Variants in VPS11 observed in about 807,000 individuals in gnomAD.
VPS11 encodes the protein VPS11 core subunit of CORVET and HOPS complexes, also known as vacuolar protein sorting-associated protein 11 homolog.
VPS11 carries 51 observed loss-of-function variants against 106.8 expected under a neutral mutation model. The ratio of observed to expected loss-of-function variants is 0.48; its 90% CI spans 0.38 to 0.60. VPS11 has a LOEUF of 0.60. VPS11 is among the 20% of genes least tolerant of loss of function. The probability of loss-of-function intolerance (pLI) is 0.00; values close to 1 mark genes in which losing one functional copy is unlikely to be tolerated. For missense variants in VPS11, 950 were observed against 1,190.0 expected, an observed-to-expected ratio of 0.80 and a Z score of 2.97; for synonymous variants, 453 against 458.7, an observed-to-expected ratio of 0.99 and a Z score of 0.16.
rs782395251 is a variant in VPS11 at position 119,071,660 on chromosome 11, G to A, written c.701G>A (p.Arg234His). The change falls in exon 5 of 16, where the codon CGC (arginine) becomes CAC (histidine). Residue 234 changes from arginine to histidine, a missense_variant. Transcript: ENST00000621676. The stretch of plus-strand genomic sequence containing the variant: ...TTGGACACCCATGGTTGTGGCCTGC[G>A]CTGCTCAGCCCTAAGTGACCCTTCT... ...VELDTHGCGL[R>H]CSALSDPSQD... 34 of 1,613,870 alleles carry A rather than the reference G, an allele frequency of 2.1e-5. No homozygotes were observed. The highest frequency in any genetic ancestry group is 8.8e-5 in the South Asian group (8 of 91,084).
Position 119,073,882 on chromosome 11 carries a change from T to C in VPS11, c.1169T>C (p.Ile390Thr). ...QHLDSDGLAQ[I>T]FMQYGDHLYS... is the part of the protein sequence containing the mutation. ...CTGGACAGTGATGGGCTGGCCCAGA[T>C]TTTCATGCAGTATGGAGACCATCTC... is the stretch of plus-strand genomic sequence containing the variant. The change falls in exon 7 of 16, where the codon ATT (isoleucine) becomes ACT (threonine). Residue 390 changes from isoleucine (I) to threonine (T), a missense_variant. Ile to Thr is a moderately conservative substitution (Grantham distance 89). Around this residue, in one of 3 missense-constraint regions of VPS11, gnomAD observed 435 missense variants for 630.2 expected, o/e 0.69. Coordinates refer to ENST00000621676, the MANE Select transcript of VPS11 (RefSeq NM_021729.6). The C allele has an allele frequency of 1.2e-6, 2 of 1,613,910 alleles. No individual in the cohort carries two copies. The highest frequency in any genetic ancestry group is 2.7e-5 in the African/African-American group (2 of 75,032).
chr11:119,078,501 T>C, intron 11 of VPS11, 64 bp from the exon 12 acceptor site: 1 of 1,591,286 alleles, frequency 6.3e-7, no homozygotes, highest in Non-Finnish European at 8.6e-7. Flanking sequence ...TTGACTGGCT[T>C]TGTCCCAAGA....
chr11:119,077,749 C>T, intron 9 of VPS11, 102 bp downstream of exon 9: 1 of 1,543,804 alleles, frequency 6.5e-7, no homozygotes, highest in Non-Finnish European at 8.8e-7. Context: ...CCCCATCCTC[C>T]TGAGTGGAGG....
intron 14 of VPS11, 41 bp from the exon 15 acceptor site, chr11:119,081,051 C>T (rs372425365): frequency 2.2e-5 from 35 of 1,580,140 alleles, no homozygotes; most frequent in Non-Finnish European, 2.5e-5. Flanking sequence ...CTGGCCTTGC[C>T]CTCACTTTTG....
At position 119,081,185 on chromosome 11, in the gene VPS11, A is replaced by G. The variant is rs782328038; in HGVS notation, c.2532A>G (p.Gln844=). ...VHFLCGHSFH[Q]HCFESYSESD... The stretch of plus-strand genomic sequence containing the variant: ...TCCTGTGTGGCCACTCCTTCCACCA[A>G]CACTGCTTTGAGAGTTACTCGGAAA... Residue 844 remains glutamine, a synonymous_variant, in exon 15 of 16, where the codon CAA becomes CAG. Transcript: ENST00000621676. The G allele has an allele frequency of 1.4e-5, 23 of 1,613,814 alleles. No individual in the cohort carries two copies. The highest frequency in any genetic ancestry group is 2.2e-5 in the East Asian group (1 of 44,898).
At chr11:119,069,140 C>T (rs1026992488) in intron 1 of VPS11, 56 bp from the exon 2 acceptor site, 1 of 1,601,820 alleles carries the variant, frequency 6.2e-7, no homozygotes, top group African/African-American at 1.3e-5. Flanking sequence ...TATCTGAGTT[C>T]TGGTCTGAAT....
Position 119,073,962 on chromosome 11 carries a change from A to G in VPS11, c.1238+11A>G. 6.2e-7 allele frequency: 1 copy of G among 1,605,398 alleles called. No individual in the cohort carries two copies. Among genetic ancestry groups the G allele is most frequent in the Non-Finnish European group, 8.5e-7 (1 of 1,173,890 alleles). On this transcript the variant is annotated intron_variant, in intron 7 of 15. Transcript: ENST00000621676. ...CCAGCAATATATCCGGTCAGTCTGG[A>G]GGCACTTTGGGATATAGCTGTGAAT...
At position 119,078,574 on chromosome 11, in the gene VPS11, A is replaced by G. The variant is rs377190912; in HGVS notation, c.1933A>G (p.Lys645Glu). 4.4e-6 allele frequency: 7 copies of G among 1,608,764 alleles called. No homozygotes were observed. The African/African-American group carries it at 9.4e-5, about 22-fold the overall frequency. Residue 645 changes from lysine to glutamate, a missense_variant, in exon 12 of 16, where the codon AAG becomes GAG. Around this residue, in one of 3 missense-constraint regions of VPS11, gnomAD observed 453 missense variants for 514.6 expected, o/e 0.88. Transcript: ENST00000621676. ...CCTCCTTCCTCTCCAGGTCAAAGAG[A>G]AGCTTCACGCAGAGGCCATTTCCCT... ...AHEKDPQVKE[K>E]LHAEAISLLK...
At chr11:119,076,865 T>G in intron 7 of VPS11, 32 bp from the exon 8 acceptor site, 2 of 1,611,164 alleles carry the variant, frequency 1.2e-6, no homozygotes, top group East Asian at 2.2e-5. Flanking sequence ...GTACACTGAT[T>G]CAGATGCTAT....
intron 4 of VPS11, among the ~76,000 whole-genome samples, chr11:119,071,114 A>G (rs968516797): frequency 2.7e-5 from 4 of 150,780 alleles, no homozygotes; most frequent in African/African-American, 7.3e-5. Flanking sequence ...TTTTTTCTAG[A>G]TATGGGGGTT....
In VPS11 at chr11:119,071,817, C is replaced by G. The variant is rs1197167210; in HGVS notation, c.858C>G (p.Val286=). 1.2e-6 allele frequency: 2 copies of G among 1,613,310 alleles called. No homozygotes were observed. Among genetic ancestry groups the G allele is most frequent in the Non-Finnish European group, 1.7e-6 (2 of 1,179,428 alleles). ...AHWFRGYLII[V]SRDRKVSPKS... Reference sequence around the variant, plus strand: ...GGTTTAGAGGCTACCTTATCATTGTCTCCCGTGACCGGAAGGTTTCTCCCA... The same window carrying G: ...GGTTTAGAGGCTACCTTATCATTGTGTCCCGTGACCGGAAGGTTTCTCCCA... Residue 286 remains valine, a synonymous_variant, in exon 5 of 16, where the codon GTC becomes GTG. Transcript: ENST00000621676.
chr11:119,073,424 T>C (rs782565702), intron 6 of VPS11, 25 bp downstream of exon 6: 1 of 1,608,500 alleles, frequency 6.2e-7, no homozygotes, highest in African/African-American at 1.3e-5. Context: ...CTCGCAGAGC[T>C]GGCCACAGGC....
chr11:119,069,666 G>C, intron 3 of VPS11, 89 bp downstream of exon 3: 2 of 1,576,410 alleles, frequency 1.3e-6, no homozygotes, highest in Non-Finnish European at 1.7e-6. Context: ...GTTTTCAGGA[G>C]ACCACTTTGT....
intron 15 of VPS11, 58 bp downstream of exon 15, chr11:119,081,372 G>A (rs1945845298): frequency 6.2e-7 from 1 of 1,610,910 alleles, no homozygotes; most frequent in Non-Finnish European, 8.5e-7. Flanking sequence ...CAGAGTCACT[G>A]GAGGGCTTGT....
rs1480625934 is a variant in VPS11 at position 119,071,718 on chromosome 11, G to C, written c.759G>C (p.Glu253Asp). 4.3e-6 allele frequency: 7 copies of C among 1,613,910 alleles called. No individual in the cohort carries two copies. The highest frequency in any genetic ancestry group is 5.9e-6 in the Non-Finnish European group (7 of 1,179,892). Residue 253 changes from glutamate to aspartate, a missense_variant, in exon 5 of 16, where the codon GAG (glutamate) becomes GAC (aspartate). Transcript: ENST00000621676. ...TGCAGTTCATTGTGGCCGGGGATGA[G>C]TGTGTCTACTTGTACCAGCCTGATG... Reference protein sequence around the residue: ...QDLQFIVAGDECVYLYQPDER... With the variant: ...QDLQFIVAGDDCVYLYQPDER...
intron 8 of VPS11, 52 bp from the exon 9 acceptor site, chr11:119,077,449 C>T: frequency 6.3e-7 from 1 of 1,583,204 alleles, no homozygotes. Flanking sequence ...GTTTCCTCTC[C>T]CTTCTCTATC....
chr11:119,074,641 G>A (rs903184720), intron 7 of VPS11, among the ~76,000 whole-genome samples: 5 of 152,174 alleles, frequency 3.3e-5, no homozygotes, highest in Admixed American at 6.5e-5. Context: ...CTGAGCTCAG[G>A]CAATCTGCCT....
At chr11:119,071,554 C>T (rs782699680) in intron 4 of VPS11, 42 bp from the exon 5 acceptor site, 5 of 1,602,264 alleles carry the variant, frequency 3.1e-6, no homozygotes, top group Non-Finnish European at 4.3e-6. Context: ...TTAGAGTTAC[C>T]TCCTCAAAGG....
At chr11:119,073,009 A>G (rs1945457482) in intron 5 of VPS11, 189 bp from the exon 6 acceptor site, 1 of 624,930 alleles carries the variant, frequency 1.6e-6, no homozygotes, top group East Asian at 2.8e-5. Flanking sequence ...TAGGATCCTA[A>G]AGGGTAAGAT....
Sources: allele counts gnomAD v4.1 joint callset (sites outside exome capture counted in the v4.1 genomes callset), GRCh38; gene constraint gnomAD v4.1.1; regional missense constraint gnomAD v4.1.1; transcripts MANE v1.5; gene names NCBI Gene and HGNC (gene_info 2026-07-23, HGNC 2026-07-21).